FAF2: variants seen among roughly 807,000 people sequenced by gnomAD.
FAF2 encodes Fas associated factor family member 2, also known as FAS-associated factor 2.
A neutral mutation model predicts 62.3 loss-of-function variants in FAF2; 9 were observed. The observed-to-expected ratio is 0.14, with a 90% CI of 0.09 to 0.25. The LOEUF (loss-of-function observed/expected upper bound fraction) is 0.25. FAF2 is among the 10% of genes least tolerant of loss of function. The probability of loss-of-function intolerance (pLI) is 1.00; values close to 1 mark genes in which losing one functional copy is unlikely to be tolerated. For synonymous variants in FAF2, 202 were observed against 198.0 expected (o/e 1.02, Z -0.17); for missense variants, 368 against 556.2 (o/e 0.66, Z 3.40).
chr5:176,509,364 CTG>C lies in FAF2; in HGVS notation c.*2415_*2416del, dbSNP rs1162325159. 1.3e-5 allele frequency: 2 copies of C among 152,228 alleles called. No individual in the cohort carries two copies. The highest frequency in any genetic ancestry group is 3.8e-4 in the East Asian group (2 of 5,198). 9.4% of individuals were successfully genotyped at this position (152,228 alleles called of 1,614,324 possible). On this transcript the variant is annotated 3_prime_UTR_variant, in exon 11 of 11. Coordinates refer to ENST00000261942, the MANE Select transcript of FAF2 (RefSeq NM_014613.3). ...GATGAGACCTGCGAGGGAGAAGACA[CTG>C]AGAAGCCAGTGATCTGCAAGCATTT...
chr5:176,501,209 G>A (rs1561829128), intron 10 of FAF2, among the ~76,000 whole-genome samples: 1 of 152,174 alleles, frequency 6.6e-6, no homozygotes, highest in African/African-American at 2.4e-5. Context: ...CTGGCTCCTA[G>A]TAAGTGCTTA....
chr5:176,498,011 G>A (rs1196534260), intron 8 of FAF2, among the ~76,000 whole-genome samples: 2 of 152,122 alleles, frequency 1.3e-5, no homozygotes, highest in African/African-American at 2.4e-5. Context: ...TTAGCTAGGC[G>A]TGGTGGCACA....
chr5:176,502,335 C>T (rs979110506), intron 10 of FAF2, among the ~76,000 whole-genome samples: 1 of 152,148 alleles, frequency 6.6e-6, no homozygotes, highest in African/African-American at 2.4e-5. Flanking sequence ...AATCCCAGCA[C>T]TTTGGGAGGC....
chr5:176,476,673 C>T (rs144756285), intron 1 of FAF2, among the ~76,000 whole-genome samples: 6,634 of 134,564 alleles, frequency 0.049, 251 homozygotes, highest in East Asian at 0.15. Flanking sequence ...CGCTCTGTCA[C>T]CTAGGCTGGA....
Position 176,466,204 on chromosome 5 carries a change from C to T in FAF2, c.64-12984C>T, listed in dbSNP as rs564490149. 2.6e-5 allele frequency among the ~76,000 whole-genome samples: 4 copies of T among 152,154 alleles called. No homozygotes were observed. In the East Asian group the frequency reaches 7.7e-4, roughly 29 times the overall value. ...TTAGATCAGAGCCTAGCCATGATCA[C>T]TTAATTTCCTGAACAGATTTCAGAT... On this transcript the variant is annotated intron_variant, in intron 1 of 10. Transcript: ENST00000261942.
intron 1 of FAF2, among the ~76,000 whole-genome samples, chr5:176,454,347 C>T (rs996251713): frequency 1.3e-5 from 2 of 151,946 alleles, no homozygotes; most frequent in South Asian, 2.1e-4. Flanking sequence ...GAGCCGAGAT[C>T]GTGCCACTGC....
At chr5:176,501,052 G>A (rs148762680) in intron 10 of FAF2, among the ~76,000 whole-genome samples, 1,908 of 152,026 alleles carry the variant, frequency 0.013, 39 homozygotes, top group African/African-American at 0.043. Flanking sequence ...ACTTGAACCC[G>A]GGAGACGGAG....
At chr5:176,472,279 T>G (rs1374394964) in intron 1 of FAF2, among the ~76,000 whole-genome samples, 1 of 152,086 alleles carries the variant, frequency 6.6e-6, no homozygotes, top group Non-Finnish European at 1.5e-5. Flanking sequence ...CCTGAGTAGC[T>G]GGGATCACAG....
chr5:176,473,440 G>A (rs951491988), intron 1 of FAF2, among the ~76,000 whole-genome samples: 3 of 152,188 alleles, frequency 2.0e-5, no homozygotes, highest in African/African-American at 7.2e-5. Context: ...CTTTATCACT[G>A]TCGATGTTTT....
chr5:176,471,064 A>G (rs1262891761), intron 1 of FAF2, among the ~76,000 whole-genome samples: 1 of 152,084 alleles, frequency 6.6e-6, no homozygotes. Context: ...ACACCTTAAT[A>G]TTTCTCTTCC....
chr5:176,461,312 C>CTTTTTTTTTTTT (rs60608969), intron 1 of FAF2, among the ~76,000 whole-genome samples: 1 of 70,732 alleles, frequency 1.4e-5, no homozygotes. Flanking sequence ...CTGTGCCCAG[C>CTTTTTTTTTTTT]TTTTTTTTTT....
rs778553464 is a variant in FAF2, at chr5:176,494,312, G to A, written c.661+37G>A. On this transcript the variant is annotated intron_variant, in intron 7 of 10. Transcript: ENST00000261942. This position sits in a 1 kb window ranked among gnomAD's most constrained non-coding sequence, Gnocchi z 4.0. The stretch of plus-strand genomic sequence containing the variant: ...TTCTTCTGCCTCATTGAGATTGTTG[G>A]AGTATCTTTGGAATAGTCTGGAAAG... The A allele has an allele frequency of 2.8e-5, 43 of 1,536,840 alleles. No homozygotes were observed. The highest frequency in any genetic ancestry group is 3.9e-5 in the Non-Finnish European group (43 of 1,111,050).
intron 10 of FAF2, among the ~76,000 whole-genome samples, chr5:176,501,661 T>C (rs562017946): frequency 4.6e-5 from 7 of 152,366 alleles, no homozygotes; most frequent in African/African-American, 1.7e-4. Context: ...ATTAAAGTTA[T>C]GAAACATTTT....
At chr5:176,488,166 C>A (rs7724162) in intron 3 of FAF2, among the ~76,000 whole-genome samples, 1 of 152,176 alleles carries the variant, frequency 6.6e-6, no homozygotes, top group South Asian at 2.1e-4. Flanking sequence ...TTAGTAGAGA[C>A]AGGGTTTTAC....
At chr5:176,479,351 GA>G (rs1419586888) in intron 2 of FAF2, 95 bp downstream of exon 2, 2 of 986,372 alleles carry the variant, frequency 2.0e-6, no homozygotes, top group East Asian at 4.8e-5. Flanking sequence ...CTTTTCAGTA[GA>G]TTTTTTTCAG....
chr5:176,489,103 T>C, intron 4 of FAF2, 76 bp downstream of exon 4: 1 of 1,109,366 alleles, frequency 9.0e-7, no homozygotes, highest in South Asian at 1.3e-5. Flanking sequence ...ATAAGCTTTA[T>C]GCTCTATCAA....
chr5:176,450,160 G>A (rs1430360499), intron 1 of FAF2, among the ~76,000 whole-genome samples: 1 of 152,202 alleles, frequency 6.6e-6, no homozygotes, highest in Non-Finnish European at 1.5e-5. Flanking sequence ...AAATTTTGAA[G>A]TGGTTATTTT....
rs572885967 is a variant in FAF2, at chr5:176,494,538, TTTG to T, written c.661+266_661+268del. On this transcript the variant is annotated intron_variant, in intron 7 of 10. Coordinates refer to ENST00000261942, the MANE Select transcript of FAF2 (RefSeq NM_014613.3). This position sits in a 1 kb window ranked among gnomAD's most constrained non-coding sequence, Gnocchi z 4.0. Reference sequence around the variant, plus strand: ...CACACAATTAGCAAGTTTTATTTTTTTTGTTTTTATTTAATTAATTAAAAAAAT... The same window carrying T: ...CACACAATTAGCAAGTTTTATTTTTTTTTTTATTTAATTAATTAAAAAAAT... Among the ~76,000 whole-genome samples, 558 of 152,264 alleles carry T rather than the reference TTTG, an allele frequency of 3.7e-3. 2 individuals are homozygous for T. Among genetic ancestry groups the T allele is most frequent in the African/African-American group, 0.013 (534 of 41,546 alleles).
At chr5:176,497,038 TGGGAGCCCGA>T (rs1287332762) in intron 8 of FAF2, 1 of 153,734 alleles carries the variant, frequency 6.5e-6, no homozygotes, top group South Asian at 2.0e-4. Context: ...CCCAGGTCCT[TGGGAGCCCGA>T]GGCAGGAGGA....
Sources: allele counts gnomAD v4.1 joint callset (sites outside exome capture counted in the v4.1 genomes callset), GRCh38; gene constraint gnomAD v4.1.1; non-coding constraint Gnocchi (gnomAD v3.1); transcripts MANE v1.5; gene names NCBI Gene and HGNC (gene_info 2026-07-23, HGNC 2026-07-21).